The following MDGA2 variants were observed in gnomAD, a reference collection of about 807,000 sequenced individuals.
The protein encoded by MDGA2 is MAM domain containing glycosylphosphatidylinositol anchor 2, also known as MAM domain-containing glycosylphosphatidylinositol anchor protein 2.
In MDGA2, 40 loss-of-function variants were observed where a neutral mutation model predicts 117.8. The ratio of observed to expected loss-of-function variants is 0.34; its 90% CI spans 0.26 to 0.44. The LOEUF is 0.44. Ranked by LOEUF, MDGA2 falls within the 20% of genes least tolerant of loss-of-function variation. The pLI, the probability that MDGA2 is intolerant of heterozygous loss-of-function variation, is 1.00. For synonymous variants in MDGA2, 452 were observed against 439.0 expected, an observed-to-expected ratio of 1.03 and a Z score of -0.37; for missense variants, 1,123 against 1,250.6, an observed-to-expected ratio of 0.90 and a Z score of 1.54.
intron 2 of MDGA2, among the ~76,000 whole-genome samples, chr14:47,298,901 T>A (rs1889177030): frequency 6.6e-6 from 1 of 151,966 alleles, no homozygotes; most frequent in South Asian, 2.1e-4. Context: ...TTAGCCAGGA[T>A]GGTCTCGATC....
chr14:47,658,363 G>A (rs1897783932), intron 1 of MDGA2, among the ~76,000 whole-genome samples: 1 of 152,074 alleles, frequency 6.6e-6, no homozygotes, highest in African/African-American at 2.4e-5. Context: ...TGGTGACCAA[G>A]ATCTTAGGCC....
chr14:46,997,609 A>G (rs1052840325), intron 8 of MDGA2, among the ~76,000 whole-genome samples: 1 of 152,036 alleles, frequency 6.6e-6, no homozygotes, highest in Non-Finnish European at 1.5e-5. Flanking sequence ...TGTGTTTCCC[A>G]CTTTGGTTAT....
intron 1 of MDGA2, among the ~76,000 whole-genome samples, chr14:47,319,459 C>A (rs1889912252): frequency 6.6e-6 from 1 of 152,138 alleles, no homozygotes; most frequent in Non-Finnish European, 1.5e-5. Flanking sequence ...TACATCAACA[C>A]CTTGTAAACT....
At chr14:47,518,949 A>T (rs2138708716) in intron 1 of MDGA2, among the ~76,000 whole-genome samples, 1 of 152,296 alleles carries the variant, frequency 6.6e-6, no homozygotes, top group Admixed American at 6.5e-5. Context: ...CATACCTGTA[A>T]TCCCAGCATT....
intron 9 of MDGA2, 65 bp from the exon 10 acceptor site, chr14:46,920,225 C>T: frequency 2.1e-6 from 3 of 1,434,978 alleles, no homozygotes; most frequent in Non-Finnish European, 2.8e-6. Flanking sequence ...TACTTATTCC[C>T]TTTGGCCCTT....
chr14:46,873,069 T>G (rs1882078050), intron 14 of MDGA2, among the ~76,000 whole-genome samples: 1 of 151,988 alleles, frequency 6.6e-6, no homozygotes, highest in Non-Finnish European at 1.5e-5. Context: ...ATGACAATAT[T>G]ACTTTTCATC....
At chr14:47,148,505 T>C (rs772385155) in intron 3 of MDGA2, among the ~76,000 whole-genome samples, 22 of 152,318 alleles carry the variant, frequency 1.4e-4, no homozygotes, top group Non-Finnish European at 3.1e-4. Context: ...TAAGTTGGCA[T>C]TTTTAGTTGA....
At chr14:46,845,921 T>A (rs1566488390) in intron 15 of MDGA2, 50 bp from the exon 16 acceptor site, 1 of 1,397,626 alleles carries the variant, frequency 7.2e-7, no homozygotes, top group Non-Finnish European at 1.0e-6. Context: ...GATTTGCAGA[T>A]CAGTTTCTCT....
intron 1 of MDGA2, among the ~76,000 whole-genome samples, chr14:47,585,614 C>T (rs1896309621): frequency 6.6e-6 from 1 of 151,642 alleles, no homozygotes; most frequent in African/African-American, 2.4e-5. Context: ...CCAACAGAAG[C>T]CAAAAGGAGA....
At chr14:46,964,045 C>A (rs77838300) in intron 8 of MDGA2, among the ~76,000 whole-genome samples, 14,812 of 152,080 alleles carry the variant, frequency 0.097, 1,304 homozygotes, top group African/African-American at 0.2. Context: ...ATTTCTGGGA[C>A]CAGGACACAA....
intron 5 of MDGA2, among the ~76,000 whole-genome samples, chr14:47,117,483 A>G (rs1881393241): frequency 6.6e-6 from 1 of 152,226 alleles, no homozygotes; most frequent in Admixed American, 6.5e-5. Flanking sequence ...CACTACAGTC[A>G]AGAGGTGCAC....
chr14:47,013,192 C>G (rs1391061827), intron 8 of MDGA2, among the ~76,000 whole-genome samples: 1 of 152,292 alleles, frequency 6.6e-6, no homozygotes, highest in East Asian at 1.9e-4. Flanking sequence ...GAACTTCCTT[C>G]AAATTGGAGT....
Position 47,674,989 on chromosome 14 carries a change from T to G in MDGA2, c.-193A>C, listed in dbSNP as rs990392793. ...GGAAGCGGGCTCGAGTCTCCGCAGC[T>G]GCGGCGGCGGCGGCGGCGCGCTGGG... On this transcript the variant is annotated 5_prime_UTR_variant, in exon 1 of 17. Transcript: ENST00000399232. 1 of 343,220 alleles carries G rather than the reference T, an allele frequency of 2.9e-6. No individual in the cohort carries two copies. The highest frequency in any genetic ancestry group is 5.2e-6 in the Non-Finnish European group (1 of 192,282). 21.3% of individuals were successfully genotyped at this position (343,220 alleles called of 1,614,324 possible). A position where few individuals can be genotyped will look rare whatever the true frequency, so the allele number is the denominator to read the frequency against.
intron 1 of MDGA2, among the ~76,000 whole-genome samples, chr14:47,448,302 C>T (rs1594861688): frequency 6.6e-6 from 1 of 152,058 alleles, no homozygotes. Context: ...CCATGCTCAA[C>T]TAATTTTTGT....
At chr14:47,655,897 C>T (rs1897734164) in intron 1 of MDGA2, among the ~76,000 whole-genome samples, 1 of 152,132 alleles carries the variant, frequency 6.6e-6, no homozygotes, top group Non-Finnish European at 1.5e-5. Flanking sequence ...TATAATCCCA[C>T]ACATCCCATG....
intron 1 of MDGA2, among the ~76,000 whole-genome samples, chr14:47,421,907 T>C (rs1035255327): frequency 1.5e-4 from 23 of 152,312 alleles, no homozygotes; most frequent in African/African-American, 2.4e-5. Context: ...TGTTGACTTT[T>C]AAATTCATTT....
intron 1 of MDGA2, among the ~76,000 whole-genome samples, chr14:47,328,199 C>G (rs1806787): frequency 2.0e-5 from 3 of 151,850 alleles, no homozygotes; most frequent in Non-Finnish European, 2.9e-5. Context: ...CACTCCATAT[C>G]GGGCAGAGGG....
At chr14:47,324,011 C>A (rs571560706) in intron 1 of MDGA2, among the ~76,000 whole-genome samples, 9 of 151,494 alleles carry the variant, frequency 5.9e-5, no homozygotes, top group African/African-American at 1.9e-4. Context: ...TTTGGGAGGC[C>A]GAGGCGTGAG....
chr14:47,250,674 A>T (rs1887416217), intron 2 of MDGA2, among the ~76,000 whole-genome samples: 1 of 152,216 alleles, frequency 6.6e-6, no homozygotes, highest in Non-Finnish European at 1.5e-5. Flanking sequence ...CGGCACTGTG[A>T]GAAATGAATT....
Sources: allele counts gnomAD v4.1 joint callset (sites outside exome capture counted in the v4.1 genomes callset), GRCh38; gene constraint gnomAD v4.1.1; transcripts MANE v1.5; gene names NCBI Gene and HGNC (gene_info 2026-07-23, HGNC 2026-07-21).